Variants in DENND1B observed in about 807,000 individuals in gnomAD.
DENND1B encodes DENN domain containing 1B.
A neutral mutation model predicts 90.1 loss-of-function variants in DENND1B; 59 were observed. That is an observed-to-expected ratio of 0.65 (90% CI 0.53 to 0.81). The LOEUF is 0.81. Among genes scored for constraint, DENND1B ranks in the 40% least tolerant of loss-of-function variants. The pLI, the probability that DENND1B is intolerant of heterozygous loss-of-function variation, is 0.00. For synonymous variants in DENND1B, 337 were observed against 324.6 expected (o/e 1.04, Z -0.41); for missense variants, 862 against 912.6 (o/e 0.94, Z 0.71).
intron 3 of DENND1B, among the ~76,000 whole-genome samples, chr1:197,695,864 A>C (rs1658383247): frequency 6.6e-6 from 1 of 151,298 alleles, no homozygotes; most frequent in Admixed American, 6.6e-5. Context: ...TGCAAGAAGC[A>C]AAATTATAGA....
At chr1:197,767,865 T>A (rs558450983) in intron 2 of DENND1B, among the ~76,000 whole-genome samples, 1 of 152,194 alleles carries the variant, frequency 6.6e-6, no homozygotes, top group African/African-American at 2.4e-5. Context: ...TATACTCAAA[T>A]ATTTCCTCGC....
intron 10 of DENND1B, among the ~76,000 whole-genome samples, chr1:197,635,461 C>T (rs997835461): frequency 4.6e-5 from 7 of 151,946 alleles, no homozygotes; most frequent in Non-Finnish European, 1.0e-4. Flanking sequence ...CTCAGCCTCC[C>T]GAGTATCTGG....
Position 197,510,320 on chromosome 1 carries a change from G to T in DENND1B, c.*140C>A. On this transcript the variant is annotated 3_prime_UTR_variant, in exon 23 of 23. Transcript: ENST00000620048. ...AAATCAATGCATTTCATATATCCTC[G>T]AAATGAACAAGTGAGAAAAATGTTG... The T allele has an allele frequency of 1.0e-6, 1 of 957,050 alleles. No homozygotes were observed. The highest frequency in any genetic ancestry group is 1.5e-6 in the Non-Finnish European group (1 of 670,980). 59.3% of individuals were successfully genotyped at this position (957,050 alleles called of 1,614,324 possible). A position where few individuals can be genotyped will look rare whatever the true frequency, so the allele number is the denominator to read the frequency against.
intron 11 of DENND1B, 71 bp from the exon 12 acceptor site, chr1:197,612,047 C>A: frequency 8.2e-7 from 1 of 1,223,938 alleles, no homozygotes; most frequent in Non-Finnish European, 1.2e-6. Context: ...ATAAGTAATT[C>A]AAAATGATTA....
chr1:197,630,046 C>A (rs537652231), intron 10 of DENND1B, among the ~76,000 whole-genome samples: 17 of 152,010 alleles, frequency 1.1e-4, no homozygotes, highest in Non-Finnish European at 2.1e-4. Flanking sequence ...AGAACACTGA[C>A]AACAAATGCT....
intron 3 of DENND1B, among the ~76,000 whole-genome samples, chr1:197,704,036 G>A (rs1558422746): frequency 6.6e-6 from 1 of 152,088 alleles, no homozygotes; most frequent in Non-Finnish European, 1.5e-5. Context: ...TTGAACCCAG[G>A]AGTTCACGAC....
chr1:197,706,185 T>G (rs928805592), intron 3 of DENND1B, among the ~76,000 whole-genome samples: 1 of 152,190 alleles, frequency 6.6e-6, no homozygotes, highest in African/African-American at 2.4e-5. Context: ...TATTCTGAAT[T>G]TAACAGTGAC....
At chr1:197,521,241 G>A (rs1668754354) in intron 20 of DENND1B, among the ~76,000 whole-genome samples, 1 of 151,796 alleles carries the variant, frequency 6.6e-6, no homozygotes, top group African/African-American at 2.4e-5. Context: ...TCACTGCAAT[G>A]GTTTCCAGAA....
chr1:197,624,450 T>G (rs1056209418), intron 10 of DENND1B, among the ~76,000 whole-genome samples: 6 of 151,526 alleles, frequency 4.0e-5, no homozygotes, highest in Admixed American at 1.3e-4. Context: ...AAATGTAAAA[T>G]GCAAAACTAT....
At position 197,510,959 on chromosome 1, in the gene DENND1B, G is replaced by A. The variant is rs1351931491; in HGVS notation, c.1829C>T (p.Ala610Val). 16 of 1,509,784 alleles carry A rather than the reference G, an allele frequency of 1.1e-5. No individual in the cohort carries two copies. The highest frequency in any genetic ancestry group is 1.3e-5 in the Non-Finnish European group (15 of 1,130,512). 93.5% of individuals were successfully genotyped at this position (1,509,784 alleles called of 1,614,324 possible). Reference protein sequence around the residue: ...IDYKPTNKSNAPSENNLAFLC... With the variant: ...IDYKPTNKSNVPSENNLAFLC... Reference sequence around the variant, plus strand: ...GAAAGCCAGGTTATTCTCACTAGGAGCATTAGATTTATTCTGAAAAAAAGA... The same window carrying A: ...GAAAGCCAGGTTATTCTCACTAGGAACATTAGATTTATTCTGAAAAAAAGA... Residue 610 changes from alanine (A) to valine (V), a missense_variant, in exon 23 of 23, where the codon GCT becomes GTT. Transcript: ENST00000620048.
At chr1:197,600,995 C>T (rs781167272) in intron 13 of DENND1B, among the ~76,000 whole-genome samples, 13 of 151,428 alleles carry the variant, frequency 8.6e-5, no homozygotes, top group Admixed American at 3.3e-4. Context: ...GTTTTTTTCC[C>T]GTGCCACTGA....
At chr1:197,691,711 G>A (rs988331027) in intron 3 of DENND1B, among the ~76,000 whole-genome samples, 15 of 151,854 alleles carry the variant, frequency 9.9e-5, no homozygotes, top group Non-Finnish European at 2.1e-4. Context: ...CATCCTACAT[G>A]TCCATCAACA....
chr1:197,759,737 C>T (rs1342377121), intron 2 of DENND1B, among the ~76,000 whole-genome samples: 22 of 106,594 alleles, frequency 2.1e-4, no homozygotes, highest in African/African-American at 8.0e-4. Context: ...AGCAAGACTC[C>T]GTCTCAAAAA....
At chr1:197,724,583 G>C (rs775477391) in intron 2 of DENND1B, among the ~76,000 whole-genome samples, 1 of 151,860 alleles carries the variant, frequency 6.6e-6, no homozygotes, top group African/African-American at 2.4e-5. Flanking sequence ...AACATAAATG[G>C]GTAATTCAAA....
intron 10 of DENND1B, among the ~76,000 whole-genome samples, chr1:197,637,973 T>G (rs997556520): frequency 6.6e-6 from 1 of 152,186 alleles, no homozygotes; most frequent in Non-Finnish European, 1.5e-5. Flanking sequence ...CTGACACAGG[T>G]GGCTCCATTA....
At chr1:197,583,044 T>A in intron 15 of DENND1B, 108 bp downstream of exon 15, 1 of 997,564 alleles carries the variant, frequency 1.0e-6, no homozygotes, top group South Asian at 1.6e-5. Flanking sequence ...TTTCCTGACA[T>A]TCTAGAAAAG....
At chr1:197,659,405 T>C (rs1654180903) in intron 5 of DENND1B, among the ~76,000 whole-genome samples, 2 of 151,918 alleles carry the variant, frequency 1.3e-5, no homozygotes, top group Non-Finnish European at 2.9e-5. Context: ...AACTACAGTA[T>C]CTTTACTCAG....
chr1:197,633,311 G>A (rs1430253851), intron 10 of DENND1B, among the ~76,000 whole-genome samples: 1 of 152,158 alleles, frequency 6.6e-6, no homozygotes, highest in Non-Finnish European at 1.5e-5. Context: ...TATCCAAAGG[G>A]GTGGACTGTA....
chr1:197,757,664 T>C (rs1236210866), intron 2 of DENND1B, among the ~76,000 whole-genome samples: 2 of 152,226 alleles, frequency 1.3e-5, no homozygotes, highest in Non-Finnish European at 2.9e-5. Flanking sequence ...ATCAATGATA[T>C]AACAGAATCT....
Sources: gnomAD v4.1 joint callset for allele counts (sites outside exome capture counted in the v4.1 genomes callset) on GRCh38, gnomAD v4.1.1 for gene constraint, MANE v1.5 for transcripts, NCBI Gene and HGNC (gene_info 2026-07-23, HGNC 2026-07-21) for gene names.